LTBP1: variants seen among roughly 807,000 people sequenced by gnomAD.
The protein encoded by LTBP1 is latent transforming growth factor beta binding protein 1.
In LTBP1, 129 loss-of-function variants were observed where a neutral mutation model predicts 207.6. The ratio of observed to expected loss-of-function variants is 0.62; its 90% CI spans 0.54 to 0.72. The LOEUF is 0.72. Ranked by LOEUF, LTBP1 falls within the 30% of genes least tolerant of loss-of-function variation. LTBP1 has a pLI of 0.00. For missense variants in LTBP1, 2,281 were observed against 2,217.2 expected (o/e 1.03, Z -0.58); for synonymous variants, 963 against 833.7 (o/e 1.16, Z -2.67).
chr2:33,253,493 G>C (rs1023211923), intron 11 of LTBP1, among the ~76,000 whole-genome samples: 1 of 152,096 alleles, frequency 6.6e-6, no homozygotes, highest in Non-Finnish European at 1.5e-5. Flanking sequence ...TCTCAAGCAG[G>C]ATCAAGTAGA....
chr2:32,947,917 G>C, intron 1 of LTBP1, 99 bp downstream of exon 1: 1 of 1,090,026 alleles, frequency 9.2e-7, no homozygotes, highest in South Asian at 4.5e-5. Context: ...GCGGTGGCCA[G>C]GGCGGTCGCG....
At chr2:33,177,115 G>T (rs2086142865) in intron 5 of LTBP1, among the ~76,000 whole-genome samples, 1 of 152,116 alleles carries the variant, frequency 6.6e-6, no homozygotes, top group Non-Finnish European at 1.5e-5. Flanking sequence ...CAAACTCCTG[G>T]AGGTCTGATT....
intron 5 of LTBP1, among the ~76,000 whole-genome samples, chr2:33,137,437 T>C (rs1396405808): frequency 6.6e-6 from 1 of 152,210 alleles, no homozygotes; most frequent in Non-Finnish European, 1.5e-5. Context: ...GTATAAAATA[T>C]GTTTTAGACT....
chr2:33,277,300 C>A lies in LTBP1; in HGVS notation c.2992+1377C>A, dbSNP rs149580351. 2.6e-3 allele frequency among the ~76,000 whole-genome samples: 398 copies of A among 152,132 alleles called. 4 individuals are homozygous for A. The highest frequency in any genetic ancestry group is 9.3e-3 in the African/African-American group (384 of 41,498). On this transcript the variant is annotated intron_variant, in intron 18 of 33. Coordinates refer to ENST00000404816, the MANE Select transcript of LTBP1 (RefSeq NM_206943.4). ...TCTCTGATCAGCATGGAGTTTTGTACCCTCCCCGAGGGCCACGAGGCTACA... is the reference window on the plus strand; with the variant it reads ...TCTCTGATCAGCATGGAGTTTTGTAACCTCCCCGAGGGCCACGAGGCTACA...
chr2:33,004,094 A>G (rs1347141486), intron 2 of LTBP1, among the ~76,000 whole-genome samples: 2 of 122,778 alleles, frequency 1.6e-5, no homozygotes, highest in African/African-American at 5.9e-5. Context: ...TCCTTAATAA[A>G]TATCATTTTT....
chr2:33,123,183 C>T (rs1392779471), intron 4 of LTBP1, among the ~76,000 whole-genome samples: 3 of 152,194 alleles, frequency 2.0e-5, no homozygotes, highest in African/African-American at 7.2e-5. Context: ...GAGAATTGTT[C>T]TGCCTGGCCT....
At chr2:33,314,872 C>A (rs986703017) in intron 23 of LTBP1, among the ~76,000 whole-genome samples, 1 of 152,152 alleles carries the variant, frequency 6.6e-6, no homozygotes, top group Admixed American at 6.5e-5. Context: ...CCCCATATGT[C>A]TAAAATAAGG....
chr2:33,179,077 C>T (rs1394992028), intron 5 of LTBP1, among the ~76,000 whole-genome samples: 2 of 152,160 alleles, frequency 1.3e-5, no homozygotes, highest in African/African-American at 2.4e-5. Flanking sequence ...TAAAAAGTCA[C>T]CTCTTTGTCT....
chr2:33,006,973 A>G (rs1036890646), intron 2 of LTBP1, among the ~76,000 whole-genome samples: 1 of 152,174 alleles, frequency 6.6e-6, no homozygotes, highest in South Asian at 2.1e-4. Flanking sequence ...TGGCATGTCA[A>G]AGTCTAATTA....
rs1009527681 is a variant in LTBP1 at position 33,305,158 on chromosome 2, C to CA, written c.3481+3524dup. On this transcript the variant is annotated intron_variant, in intron 22 of 33. Coordinates refer to ENST00000404816, the MANE Select transcript of LTBP1 (RefSeq NM_206943.4). ...TGAAACCTCATCTCTACTAAAAATA[C>CA]AAAAAAAAAAGAAAAATTATCTGGG... 2.3e-4 allele frequency among the ~76,000 whole-genome samples: 34 copies of CA among 145,394 alleles called. 2 individuals carry two copies. Among genetic ancestry groups the CA allele is most frequent in the Middle Eastern group, 3.5e-3 (1 of 286 alleles).
At chr2:33,057,163 T>C (rs1022310060) in intron 3 of LTBP1, among the ~76,000 whole-genome samples, 10 of 151,564 alleles carry the variant, frequency 6.6e-5, no homozygotes, top group African/African-American at 2.2e-4. Context: ...CTAGACATAA[T>C]GATCCAAGTC....
At chr2:33,020,819 A>C in intron 2 of LTBP1, 90 bp from the exon 3 acceptor site, 2 of 1,298,488 alleles carry the variant, frequency 1.5e-6, no homozygotes, top group Non-Finnish European at 2.1e-6. Context: ...TGGAGAACAA[A>C]CAACCTGATG....
chr2:33,030,622 G>T (rs116658225), intron 3 of LTBP1, among the ~76,000 whole-genome samples: 92 of 152,332 alleles, frequency 6.0e-4, no homozygotes, highest in African/African-American at 2.1e-3. Flanking sequence ...ACACTTCACA[G>T]TCTCCTTGAT....
intron 2 of LTBP1, among the ~76,000 whole-genome samples, chr2:32,958,614 G>T (rs1184851101): frequency 1.3e-5 from 2 of 152,206 alleles, no homozygotes; most frequent in African/African-American, 4.8e-5. Context: ...CCTAGGAATA[G>T]AATGGAGTTG....
chr2:33,385,090 G>C (rs1213696307), intron 31 of LTBP1, among the ~76,000 whole-genome samples: 1 of 152,110 alleles, frequency 6.6e-6, no homozygotes, highest in East Asian at 1.9e-4. Flanking sequence ...TGTACTTTGA[G>C]TTCTGATGAT....
At chr2:32,999,725 A>G (rs1297848111) in intron 2 of LTBP1, among the ~76,000 whole-genome samples, 1 of 133,574 alleles carries the variant, frequency 7.5e-6, no homozygotes, top group Non-Finnish European at 1.6e-5. Flanking sequence ...CCTGGTCTCT[A>G]CTAAAAATAC....
At chr2:33,348,743 G>A (rs2094738541) in intron 26 of LTBP1, among the ~76,000 whole-genome samples, 1 of 152,158 alleles carries the variant, frequency 6.6e-6, no homozygotes, top group African/African-American at 2.4e-5. Flanking sequence ...AAAGATAAAT[G>A]TATGTGATAC....
intron 3 of LTBP1, among the ~76,000 whole-genome samples, chr2:33,094,609 G>T (rs1053179412): frequency 6.6e-6 from 1 of 152,172 alleles, no homozygotes; most frequent in African/African-American, 2.4e-5. Context: ...TACAGATAAG[G>T]TCTGGGGAAT....
chr2:33,239,913 A>G (rs2092238246), intron 9 of LTBP1, among the ~76,000 whole-genome samples: 1 of 150,998 alleles, frequency 6.6e-6, no homozygotes, highest in East Asian at 1.9e-4. Context: ...TAAATAAATA[A>G]ATAAATAAAT....
Sources: allele counts gnomAD v4.1 joint callset (sites outside exome capture counted in the v4.1 genomes callset), GRCh38; gene constraint gnomAD v4.1.1; transcripts MANE v1.5; gene names NCBI Gene and HGNC (gene_info 2026-07-23, HGNC 2026-07-21).